Variants in CELF2 observed in about 807,000 individuals in gnomAD.
CELF2 encodes CUGBP Elav-like family member 2, also known as CUG triplet repeat RNA-binding protein 2.
CELF2 carries 8 observed loss-of-function variants against 62.6 expected under a neutral mutation model. The ratio of observed to expected loss-of-function variants is 0.13; its 90% confidence interval spans 0.07 to 0.23. CELF2 has a LOEUF of 0.23. CELF2 is among the 10% of genes least tolerant of loss of function. The pLI, the probability that CELF2 is intolerant of heterozygous loss-of-function variation, is 1.00. For synonymous variants in CELF2, 258 were observed against 250.0 expected, an observed-to-expected ratio of 1.03 and a Z score of -0.30; for missense variants, 333 against 671.0, an observed-to-expected ratio of 0.50 and a Z score of 5.56.
chr10:11,058,534 T>C (rs1486201343), intron 1 of CELF2, among the ~76,000 whole-genome samples: 1 of 145,018 alleles, frequency 6.9e-6, no homozygotes, highest in Non-Finnish European at 1.5e-5. Context: ...TGGTGCGATC[T>C]CGACTCGCTG....
chr10:10,772,211 A>T, the CELF2 span, among the ~76,000 whole-genome samples: 6 of 152,240 alleles, frequency 3.9e-5, no homozygotes, highest in Non-Finnish European at 5.9e-5. Flanking sequence ...ATCTGTTTTT[A>T]GTAAAGAGTT....
At chr10:11,052,207 A>G (rs2064088576) in intron 1 of CELF2, among the ~76,000 whole-genome samples, 1 of 152,120 alleles carries the variant, frequency 6.6e-6, no homozygotes, top group Non-Finnish European at 1.5e-5. Context: ...AAGTGTGGGG[A>G]TTACAGCCAT....
At chr10:10,625,447 G>A in the CELF2 span, among the ~76,000 whole-genome samples, 4 of 152,290 alleles carry the variant, frequency 2.6e-5, no homozygotes, top group African/African-American at 9.6e-5. Flanking sequence ...GCAACACTGC[G>A]TATCTCTGAA....
At chr10:10,478,455 T>C in the CELF2 span, among the ~76,000 whole-genome samples, 1 of 152,014 alleles carries the variant, frequency 6.6e-6, no homozygotes, top group African/African-American at 2.4e-5. Flanking sequence ...CTTGATAGCA[T>C]CTGATGCAGT....
At chr10:10,479,226 T>C in the CELF2 span, among the ~76,000 whole-genome samples, 101 of 152,290 alleles carry the variant, frequency 6.6e-4, no homozygotes, top group African/African-American at 2.3e-3. Context: ...TGGAGTGCAG[T>C]GGCACAATCT....
chr10:11,090,627 A>G (rs2048058405), intron 1 of CELF2, among the ~76,000 whole-genome samples: 1 of 152,248 alleles, frequency 6.6e-6, no homozygotes, highest in Non-Finnish European at 1.5e-5. Context: ...CAGCCTAAAT[A>G]TCCAGCAATA....
In CELF2 at chr10:11,299,931, A is replaced by T. The variant is rs998429205; in HGVS notation, c.976+11379A>T. Among the ~76,000 whole-genome samples, 4 of 152,256 alleles carry T rather than the reference A, an allele frequency of 2.6e-5. No individual in the cohort carries two copies. In the East Asian group the frequency reaches 7.7e-4, roughly 29 times the overall value. ...CATAAGCAAAATATCATTGGCAGGG[A>T]AAAGAGGTTTGATTTTTCCCTCTCA... is the stretch of plus-strand genomic sequence containing the variant. On this transcript the variant is annotated intron_variant, in intron 9 of 12. Coordinates refer to ENST00000633077, the MANE Select transcript of CELF2 (RefSeq NM_001326342.2).
At chr10:11,111,446 T>G (rs2055140293) in intron 1 of CELF2, among the ~76,000 whole-genome samples, 1 of 152,250 alleles carries the variant, frequency 6.6e-6, no homozygotes, top group Admixed American at 6.5e-5. Context: ...TTGATCTGCA[T>G]TCAATAAAAT....
In CELF2 at chr10:10,978,821, G is replaced by A. The variant is rs557230281; in HGVS notation, c.89+58822G>A. 2.4e-4 allele frequency among the ~76,000 whole-genome samples: 36 copies of A among 152,286 alleles called. No homozygotes were observed. In the South Asian group the frequency reaches 7.5e-3, roughly 32 times the overall value. ...AAAACCCAGTGTCAAAACAATATCA[G>A]TATTACTGATGAATACTAGGAAAAT... On this transcript the variant is annotated intron_variant, in intron 2 of 13. Transcript: ENST00000636488.
At position 11,296,812 on chromosome 10, in the gene CELF2, A is replaced by G. The variant is rs1363776662; in HGVS notation, c.976+8260A>G. 1.3e-5 allele frequency among the ~76,000 whole-genome samples: 2 copies of G among 152,246 alleles called. No homozygotes were observed. The highest frequency in any genetic ancestry group is 2.1e-4 in the South Asian group (1 of 4,826). On this transcript the variant is annotated intron_variant, in intron 9 of 12. Transcript: ENST00000633077. The surrounding 1 kb of genome is among the most constrained non-coding windows in gnomAD (Gnocchi z 5.0). ...AGTAGAAGAGTTGACATTTGAGCCA[A>G]AATGTTCAGGGTGGGTAGGATGTTT...
chr10:11,064,204 G>T (rs2140619656), intron 1 of CELF2, among the ~76,000 whole-genome samples: 1 of 152,156 alleles, frequency 6.6e-6, no homozygotes, highest in East Asian at 1.9e-4. Flanking sequence ...GATTTAACCT[G>T]ATTCTTAGAT....
At chr10:10,494,093 A>C in the CELF2 span, among the ~76,000 whole-genome samples, 1 of 152,222 alleles carries the variant, frequency 6.6e-6, no homozygotes, top group Non-Finnish European at 1.5e-5. Context: ...GACTGCCTCC[A>C]AAGCACAGCA....
At chr10:11,101,982 G>A (rs930098458) in intron 1 of CELF2, 2 of 151,904 alleles carry the variant, frequency 1.3e-5, no homozygotes, top group African/African-American at 2.4e-5. Flanking sequence ...TTGTAAAAAT[G>A]TGTTTTTAAG....
chr10:10,908,235 T>TTTTTTTTTTTTG (rs2063509932), intron 1 of CELF2, among the ~76,000 whole-genome samples: 1 of 143,936 alleles, frequency 6.9e-6, no homozygotes, highest in Admixed American at 7.0e-5. Context: ...TTTTTTTTTT[T>TTTTTTTTTTTTG]TTGAAACAGA....
chr10:11,186,650 C>A (rs1157425594), intron 2 of CELF2, among the ~76,000 whole-genome samples: 13 of 152,122 alleles, frequency 8.5e-5, no homozygotes, highest in Non-Finnish European at 1.5e-4. Flanking sequence ...AAAATCCAAA[C>A]TTTGAAATGC....
intron 5 of CELF2, among the ~76,000 whole-genome samples, chr10:11,258,208 A>G (rs1401217171): frequency 2.0e-5 from 3 of 152,122 alleles, no homozygotes; most frequent in African/African-American, 4.8e-5. Context: ...ATGAGAAAGG[A>G]TATTTGTTGT....
At chr10:10,537,851 G>A in the CELF2 span, among the ~76,000 whole-genome samples, 2 of 152,162 alleles carry the variant, frequency 1.3e-5, no homozygotes, top group South Asian at 4.1e-4. Flanking sequence ...TCGACCCAGG[G>A]AAAAGACAGA....
the CELF2 span, among the ~76,000 whole-genome samples, chr10:10,693,637 G>A: frequency 1.3e-5 from 2 of 150,172 alleles, no homozygotes; most frequent in African/African-American, 4.9e-5. Context: ...AATCCGTCTG[G>A]TCCTGGACTC....
At chr10:10,692,994 C>G in the CELF2 span, among the ~76,000 whole-genome samples, 4 of 141,318 alleles carry the variant, frequency 2.8e-5, no homozygotes, top group Non-Finnish European at 6.2e-5. Context: ...AATTGAATAC[C>G]CTTTATTTCC....
Sources: gnomAD v4.1 joint callset for allele counts (sites outside exome capture counted in the v4.1 genomes callset) on GRCh38, gnomAD v4.1.1 for gene constraint, Gnocchi (gnomAD v3.1) non-coding constraint, MANE v1.5 for transcripts, NCBI Gene and HGNC (gene_info 2026-07-23, HGNC 2026-07-21) for gene names.